Variants in BMERB1 observed in about 807,000 individuals in gnomAD.
BMERB1 encodes bMERB domain-containing protein 1.
In BMERB1, 12 loss-of-function variants were observed where a neutral mutation model predicts 23.6. That is an observed-to-expected ratio of 0.51 (90% confidence interval 0.33 to 0.82). BMERB1 has a LOEUF of 0.82. BMERB1 is among the 40% of genes least tolerant of loss of function. The pLI is 0.03. For missense variants in BMERB1, 247 were observed against 255.4 expected, an observed-to-expected ratio of 0.97 and a Z score of 0.22; for synonymous variants, 122 against 96.6, an observed-to-expected ratio of 1.26 and a Z score of -1.54.
At chr16:15,563,408 A>T (rs1598523156) in intron 2 of BMERB1, among the ~76,000 whole-genome samples, 1 of 151,932 alleles carries the variant, frequency 6.6e-6, no homozygotes, top group African/African-American at 2.4e-5. Context: ...TTTAGTAGAG[A>T]CGGGGTTTCA....
chr16:15,473,898 T>A (rs184755014), intron 1 of BMERB1, among the ~76,000 whole-genome samples: 3 of 151,924 alleles, frequency 2.0e-5, no homozygotes, highest in Non-Finnish European at 4.4e-5. Context: ...GGCAGGCGGA[T>A]CATGAGGTCA....
chr16:15,496,705 A>AT (rs1466823140), intron 1 of BMERB1, among the ~76,000 whole-genome samples: 3 of 151,750 alleles, frequency 2.0e-5, no homozygotes, highest in South Asian at 4.2e-4. Flanking sequence ...CGCCCGGCTA[A>AT]TTTTTTTTAT....
At chr16:15,468,132 C>CTTT (rs1186144723) in intron 1 of BMERB1, among the ~76,000 whole-genome samples, 1 of 48,154 alleles carries the variant, frequency 2.1e-5, no homozygotes, top group Non-Finnish European at 4.6e-5. Context: ...TTTCTTTCTT[C>CTTT]TTCTTTTTTT....
At chr16:15,479,087 T>C (rs930303868) in intron 1 of BMERB1, among the ~76,000 whole-genome samples, 1 of 152,184 alleles carries the variant, frequency 6.6e-6, no homozygotes, top group Non-Finnish European at 1.5e-5. Context: ...CTCTCAAAAA[T>C]GAGTAAATAA....
intron 1 of BMERB1, among the ~76,000 whole-genome samples, chr16:15,478,061 C>A (rs1029994777): frequency 6.6e-6 from 1 of 152,078 alleles, no homozygotes; most frequent in Non-Finnish European, 1.5e-5. Flanking sequence ...ATGCATTGAC[C>A]TTTTCCTCTA....
chr16:15,586,963 C>T lies in BMERB1; in HGVS notation c.*134C>T, dbSNP rs2031163743. On this transcript the variant is annotated 3_prime_UTR_variant, in exon 6 of 6. Transcript: ENST00000300006. ...GCAAGCCCGTGACTGTCACCAGAGG[C>T]CATGGGCACGGCAGGCGGGCCTGGC... is the stretch of plus-strand genomic sequence containing the variant. 17 of 652,342 alleles carry T rather than the reference C, an allele frequency of 2.6e-5. No homozygotes were observed. In the South Asian group the frequency reaches 3.3e-4, roughly 13 times the overall value. The allele number at this position is 652,342 out of a possible 1,614,324, so 40.4% of individuals were successfully genotyped here.
intron 1 of BMERB1, among the ~76,000 whole-genome samples, chr16:15,452,296 GAAAA>G (rs1299894968): frequency 7.7e-6 from 1 of 129,118 alleles, no homozygotes; most frequent in African/African-American, 2.9e-5. Flanking sequence ...AAAAAAAAAA[GAAAA>G]GAAGGAAGGA....
At chr16:15,572,434 A>G (rs1294153028) in intron 3 of BMERB1, among the ~76,000 whole-genome samples, 1 of 152,230 alleles carries the variant, frequency 6.6e-6, no homozygotes, top group Non-Finnish European at 1.5e-5. Context: ...CCTAGTTGAA[A>G]GAGAGCGACA....
chr16:15,489,314 C>T (rs544925730), intron 1 of BMERB1, among the ~76,000 whole-genome samples: 1 of 152,266 alleles, frequency 6.6e-6, no homozygotes. Flanking sequence ...GAGGACATCA[C>T]ACTGTGACAT....
chr16:15,461,767 A>G (rs921482700), intron 1 of BMERB1, among the ~76,000 whole-genome samples: 3 of 152,084 alleles, frequency 2.0e-5, no homozygotes, highest in Admixed American at 1.3e-4. Context: ...ACAAAAATAC[A>G]AAAACAAAAC....
intron 1 of BMERB1, among the ~76,000 whole-genome samples, chr16:15,461,762 A>T (rs1350880070): frequency 2.0e-5 from 3 of 152,024 alleles, no homozygotes; most frequent in Admixed American, 1.3e-4. Context: ...TCTCTACAAA[A>T]ATACAAAAAC....
At position 15,587,084 on chromosome 16, in the gene BMERB1, A is replaced by C; in HGVS notation, c.*255A>C. 1 of 480,960 alleles carries C rather than the reference A, an allele frequency of 2.1e-6. No homozygotes were observed. The highest frequency in any genetic ancestry group is 3.7e-6 in the Non-Finnish European group (1 of 271,368). The allele number at this position is 480,960 out of a possible 1,614,324, so 29.8% of individuals were successfully genotyped here. A position where few individuals can be genotyped will look rare whatever the true frequency, so the allele number is the denominator to read the frequency against. On this transcript the variant is annotated 3_prime_UTR_variant, in exon 6 of 6. Transcript: ENST00000300006. ...CAGGAGTCTGTCTCACTGTTTATCCAAACACCAGGAAAGGTCCTCCCTCAA... is the reference window on the plus strand; with the variant it reads ...CAGGAGTCTGTCTCACTGTTTATCCCAACACCAGGAAAGGTCCTCCCTCAA...
chr16:15,571,771 G>A (rs1017482693), intron 3 of BMERB1, among the ~76,000 whole-genome samples: 1 of 151,940 alleles, frequency 6.6e-6, no homozygotes, highest in African/African-American at 2.4e-5. Flanking sequence ...TAACAGGTAG[G>A]GGACTAAGAC....
chr16:15,536,263 AGCT>A (rs2052023664), intron 2 of BMERB1, among the ~76,000 whole-genome samples: 1 of 152,016 alleles, frequency 6.6e-6, no homozygotes, highest in Non-Finnish European at 1.5e-5. Context: ...TGTCCCTTGC[AGCT>A]TGTCTTCCTG....
intron 2 of BMERB1, among the ~76,000 whole-genome samples, chr16:15,540,155 T>C (rs933700547): frequency 1.3e-5 from 2 of 151,300 alleles, no homozygotes; most frequent in Non-Finnish European, 2.9e-5. Context: ...GAAAAAAATA[T>C]ATATAATTTT....
chr16:15,468,135 CTTTTTTT>C (rs749534588), intron 1 of BMERB1, among the ~76,000 whole-genome samples: 20 of 31,036 alleles, frequency 6.4e-4, no homozygotes, highest in Admixed American at 1.3e-3. Flanking sequence ...CTTTCTTCTT[CTTTTTTT>C]TTTTTTTTTT....
intron 2 of BMERB1, among the ~76,000 whole-genome samples, chr16:15,525,887 T>C (rs1387185011): frequency 1.3e-5 from 2 of 152,106 alleles, no homozygotes; most frequent in African/African-American, 4.8e-5. Flanking sequence ...AAAATGAAAA[T>C]ATAGGGAAAT....
chr16:15,476,205 C>T (rs984892343), intron 1 of BMERB1, among the ~76,000 whole-genome samples: 8 of 143,418 alleles, frequency 5.6e-5, no homozygotes, highest in Non-Finnish European at 1.0e-4. Flanking sequence ...CTCTGTTGCC[C>T]AAGCTGGAGT....
intron 1 of BMERB1, among the ~76,000 whole-genome samples, chr16:15,443,381 C>CTG (rs36121197): frequency 0.51 from 77,339 of 150,972 alleles, 19,972 homozygotes; most frequent in Admixed American, 0.61. Flanking sequence ...TGGCGAAACC[C>CTG]TGTCTCTACC....
Sources: allele counts gnomAD v4.1 joint callset (sites outside exome capture counted in the v4.1 genomes callset), GRCh38; gene constraint gnomAD v4.1.1; transcripts MANE v1.5; gene names NCBI Gene and HGNC (gene_info 2026-07-23, HGNC 2026-07-21).